VRK2: variants seen among roughly 807,000 people sequenced by gnomAD.
VRK2 encodes the protein serine/threonine-protein kinase VRK2.
A neutral mutation model predicts 57.6 loss-of-function variants in VRK2; 60 were observed. The ratio of observed to expected loss-of-function variants is 1.04; its 90% CI spans 0.85 to 1.29. The LOEUF (loss-of-function observed/expected upper bound fraction) is 1.29, where lower values mean the gene tolerates loss of function less well. Ranked by LOEUF, VRK2 falls within the 50% of genes most tolerant of loss-of-function variation. VRK2 has a pLI of 0.00. For missense variants in VRK2, 705 were observed against 588.1 expected, an observed-to-expected ratio of 1.20 and a Z score of -2.06; for synonymous variants, 231 against 199.2, an observed-to-expected ratio of 1.16 and a Z score of -1.35.
chr2:57,929,154 C>T (rs184335215), intron 1 of VRK2, among the ~76,000 whole-genome samples: 2 of 152,342 alleles, frequency 1.3e-5, no homozygotes, highest in African/African-American at 4.8e-5. Flanking sequence ...AGTGCATTCT[C>T]CCTGGTCCCA....
rs553496866 is a variant in VRK2 at position 58,067,891 on chromosome 2, T to TTTTTCTTTTC, written c.137-16179_137-16170dup. The stretch of plus-strand genomic sequence containing the variant: ...AACTTTTCTTTTTCCTCAATATCTT[T>TTTTTCTTTTC]TTTTCTTTTCTTTTCTTTTCTTTTC... On this transcript the variant is annotated intron_variant, in intron 2 of 12. Coordinates refer to ENST00000340157, the MANE Select transcript of VRK2 (RefSeq NM_006296.7). 2.5e-4 allele frequency among the ~76,000 whole-genome samples: 38 copies of TTTTTCTTTTC among 151,990 alleles called. 1 individual carries two copies. Among genetic ancestry groups the TTTTTCTTTTC allele is most frequent in the South Asian group, 1.2e-3 (6 of 4,822 alleles).
intron 1 of VRK2, among the ~76,000 whole-genome samples, chr2:57,983,438 G>A (rs1284588225): frequency 6.6e-6 from 1 of 152,008 alleles, no homozygotes; most frequent in Non-Finnish European, 1.5e-5. Context: ...CTTTTTTTAT[G>A]TAAGATAACA....
intron 8 of VRK2, among the ~76,000 whole-genome samples, chr2:58,128,554 ACTC>A (rs1327380582): frequency 2.0e-5 from 3 of 151,546 alleles, no homozygotes; most frequent in African/African-American, 7.3e-5. Flanking sequence ...CTGGTCTTAA[ACTC>A]TTGACCTCAG....
At chr2:57,992,019 A>C (rs1445542060) in intron 1 of VRK2, among the ~76,000 whole-genome samples, 1 of 152,068 alleles carries the variant, frequency 6.6e-6, no homozygotes. Context: ...TTTTATCTTC[A>C]AGCATCTAGA....
chr2:58,143,211 A>G (rs1384063275), intron 11 of VRK2, among the ~76,000 whole-genome samples: 1 of 152,084 alleles, frequency 6.6e-6, no homozygotes, highest in Middle Eastern at 3.4e-3. Flanking sequence ...TTGGTTTATT[A>G]ATTTTTAGGA....
At position 58,104,908 on chromosome 2, in the gene VRK2, T is replaced by C. The variant is rs369902922; in HGVS notation, c.543+15185T>C. 4.5e-4 allele frequency among the ~76,000 whole-genome samples: 68 copies of C among 151,038 alleles called. 1 individual carries two copies. Among genetic ancestry groups the C allele is most frequent in the African/African-American group, 1.6e-3 (65 of 41,158 alleles). ...TAGAGAACCAATAAATAAAGCTACA[T>C]ATCTACACCCAAGTGATTGTTGATA... On this transcript the variant is annotated intron_variant, in intron 7 of 12. Coordinates refer to ENST00000340157, the MANE Select transcript of VRK2 (RefSeq NM_006296.7).
At chr2:58,078,103 C>T (rs1385966163) in intron 2 of VRK2, among the ~76,000 whole-genome samples, 1 of 152,084 alleles carries the variant, frequency 6.6e-6, no homozygotes, top group Admixed American at 6.6e-5. Flanking sequence ...AGAATGTTCC[C>T]ATTTTGCAGT....
intron 7 of VRK2, among the ~76,000 whole-genome samples, chr2:58,104,832 A>G (rs1573123202): frequency 6.6e-6 from 1 of 152,130 alleles, no homozygotes; most frequent in East Asian, 1.9e-4. Context: ...ATAGTAACCA[A>G]AACAGCATGG....
intron 10 of VRK2, among the ~76,000 whole-genome samples, chr2:58,136,811 A>G (rs979271305): frequency 3.0e-5 from 4 of 134,124 alleles, no homozygotes; most frequent in Non-Finnish European, 4.8e-5. Context: ...ATGTGTATAT[A>G]TATCATATAT....
At chr2:58,119,912 A>C (rs943535210) in intron 7 of VRK2, among the ~76,000 whole-genome samples, 15 of 151,998 alleles carry the variant, frequency 9.9e-5, no homozygotes, top group African/African-American at 3.4e-4. Context: ...AAGGAGTCTC[A>C]ACTCTGCTGT....
chr2:58,120,187 T>TC (rs923355623), intron 7 of VRK2, among the ~76,000 whole-genome samples: 1 of 105,924 alleles, frequency 9.4e-6, no homozygotes, highest in African/African-American at 6.5e-5. Flanking sequence ...TTCTTTTCTT[T>TC]TTTTTTTTTT....
intron 7 of VRK2, among the ~76,000 whole-genome samples, chr2:58,120,872 C>T (rs1037298557): frequency 2.0e-5 from 3 of 152,158 alleles, no homozygotes; most frequent in Admixed American, 6.5e-5. Flanking sequence ...CTGTAACATC[C>T]TCTGGTACTT....
intron 2 of VRK2, among the ~76,000 whole-genome samples, chr2:58,056,638 A>T (rs1430702143): frequency 1.3e-5 from 2 of 152,068 alleles, no homozygotes; most frequent in African/African-American, 4.8e-5. Flanking sequence ...TCATCTTCCC[A>T]TTCTGCATCA....
chr2:57,940,461 T>C (rs1297634240), intron 1 of VRK2, among the ~76,000 whole-genome samples: 1 of 152,160 alleles, frequency 6.6e-6, no homozygotes, highest in Non-Finnish European at 1.5e-5. Flanking sequence ...GTTAATCTTA[T>C]CTGGAAACAC....
chr2:58,036,663 T>A (rs1004089840), intron 3 of VRK2, among the ~76,000 whole-genome samples: 15 of 151,898 alleles, frequency 9.9e-5, no homozygotes, highest in Admixed American at 7.9e-4. Flanking sequence ...CAAAAAAATA[T>A]GGTGTTGGCT....
intron 7 of VRK2, among the ~76,000 whole-genome samples, chr2:58,093,610 A>G (rs1672693288): frequency 6.6e-6 from 1 of 152,084 alleles, no homozygotes; most frequent in Non-Finnish European, 1.5e-5. Context: ...CCCATTTTGT[A>G]GGTTGCCTGT....
intron 1 of VRK2, among the ~76,000 whole-genome samples, chr2:57,965,468 G>A (rs1671888837): frequency 6.6e-6 from 1 of 152,192 alleles, no homozygotes; most frequent in African/African-American, 2.4e-5. Flanking sequence ...CACTGGAGAA[G>A]TAAGACAAGG....
chr2:58,047,770 T>C (rs1336329475), intron 1 of VRK2, among the ~76,000 whole-genome samples: 1 of 152,130 alleles, frequency 6.6e-6, no homozygotes, highest in Non-Finnish European at 1.5e-5. Flanking sequence ...TGAATATTGT[T>C]AAAGATACAC....
intron 1 of VRK2, among the ~76,000 whole-genome samples, chr2:57,912,484 C>T (rs1670018154): frequency 6.6e-6 from 1 of 151,778 alleles, no homozygotes; most frequent in South Asian, 2.1e-4. Context: ...TTAACCAAAA[C>T]AGGGAGGAGC....
Sources: gnomAD v4.1 joint callset for allele counts (sites outside exome capture counted in the v4.1 genomes callset) on GRCh38, gnomAD v4.1.1 for gene constraint, MANE v1.5 for transcripts, NCBI Gene and HGNC (gene_info 2026-07-23, HGNC 2026-07-21) for gene names.